Variants in NDE1 observed in about 807,000 individuals in gnomAD.
The protein encoded by NDE1 is nuclear distribution protein nudE homolog 1.
NDE1 carries 28 observed loss-of-function variants against 43.4 expected under a neutral mutation model. The ratio of observed to expected loss-of-function variants is 0.65; its 90% CI spans 0.48 to 0.89. The LOEUF is 0.89. NDE1 is among the 40% of genes least tolerant of loss of function. The probability of loss-of-function intolerance (pLI) is 0.00; values close to 1 mark genes in which losing one functional copy is unlikely to be tolerated. For missense variants in NDE1, 441 were observed against 434.1 expected, an observed-to-expected ratio of 1.02 and a Z score of -0.14; for synonymous variants, 184 against 172.0, an observed-to-expected ratio of 1.07 and a Z score of -0.55.
chr16:15,647,411 C>T (rs1199956559), upstream of NDE1, among the ~76,000 whole-genome samples: 1 of 152,146 alleles, frequency 6.6e-6, no homozygotes, highest in South Asian at 2.1e-4. Flanking sequence ...CCTCGGACAA[C>T]TCAATTAACT....
At chr16:15,676,455 G>A (rs1313836782) in intron 3 of NDE1, among the ~76,000 whole-genome samples, 4 of 151,756 alleles carry the variant, frequency 2.6e-5, no homozygotes, top group African/African-American at 4.8e-5. Flanking sequence ...CAGGTGATCC[G>A]CCCACCTCAG....
intron 8 of NDE1, among the ~76,000 whole-genome samples, chr16:15,698,502 C>T (rs892859797): frequency 3.3e-5 from 5 of 152,092 alleles, no homozygotes; most frequent in Admixed American, 1.3e-4. Flanking sequence ...GTAGCAGACA[C>T]GTGACAGGAA....
chr16:15,699,480 AAAAC>A (rs142486033), intron 8 of NDE1: 67,771 of 1,081,812 alleles, frequency 0.063, 2,332 homozygotes, highest in East Asian at 0.099. Flanking sequence ...CGTAGGCTGT[AAAAC>A]AAACAAACAA....
At chr16:15,646,820 G>A (rs867366798), upstream of NDE1, among the ~76,000 whole-genome samples, 1 of 152,050 alleles carries the variant, frequency 6.6e-6, no homozygotes, top group African/African-American at 2.4e-5. Flanking sequence ...GGAGGCTGAG[G>A]CGGGTGGAGC....
At chr16:15,718,086 GC>G (rs904404072) in intron 8 of NDE1, 1 of 658,702 alleles carries the variant, frequency 1.5e-6, no homozygotes, top group African/African-American at 1.8e-5. Context: ...AGCCAGCCAC[GC>G]CGTGGCTGGA....
intron 2 of NDE1, among the ~76,000 whole-genome samples, 174 bp from the exon 3 acceptor site, chr16:15,667,112 G>A (rs2037346159): frequency 6.6e-6 from 1 of 152,084 alleles, no homozygotes; most frequent in Non-Finnish European, 1.5e-5. Flanking sequence ...TGGGTGTGGT[G>A]CCGCATGCCT....
rs2151179069 is a variant in NDE1, at chr16:15,710,620, G to A, written c.948-13571G>A. On this transcript the variant is annotated intron_variant, in intron 8 of 8. Transcript: ENST00000396354. ...AGAGTGGCTGTATCCCCATCGCTCA[G>A]CCCAGCCACTCAGGAGAGGCAGGGG... 3.3e-5 allele frequency among the ~76,000 whole-genome samples: 5 copies of A among 152,146 alleles called. 1 individual carries two copies. The South Asian group carries it at 1.0e-3, about 32-fold the overall frequency.
chr16:15,710,481 A>G (rs1191771892), intron 8 of NDE1, among the ~76,000 whole-genome samples: 2 of 152,118 alleles, frequency 1.3e-5, no homozygotes, highest in Non-Finnish European at 2.9e-5. Flanking sequence ...AGATCGCGCC[A>G]CTGCACTCCA....
At chr16:15,715,330 G>T in intron 8 of NDE1, 2 of 1,556,520 alleles carry the variant, frequency 1.3e-6, no homozygotes, top group Non-Finnish European at 1.8e-6. Flanking sequence ...CTTGTAGCTG[G>T]TGTGTCACCT....
At chr16:15,692,642 T>G (rs1041851374) in intron 6 of NDE1, among the ~76,000 whole-genome samples, 1 of 152,138 alleles carries the variant, frequency 6.6e-6, no homozygotes, top group Non-Finnish European at 1.5e-5. Context: ...ACTACTGACC[T>G]CAGGTGATCT....
At chr16:15,696,184 T>C (rs1284111463) in intron 7 of NDE1, among the ~76,000 whole-genome samples, 1 of 149,950 alleles carries the variant, frequency 6.7e-6, no homozygotes, top group Admixed American at 6.7e-5. Flanking sequence ...TAAAAAATTT[T>C]TCGTAATTAA....
In NDE1 at chr16:15,687,451, G is replaced by A. The variant is rs1205235856; in HGVS notation, c.463G>A (p.Glu155Lys). Reference sequence around the variant, plus strand: ...CGAAAGAAATGCCTTCCTGGAAAGTGAACTTGATGAAAAAGAGAATCTCCT... The same window carrying A: ...CGAAAGAAATGCCTTCCTGGAAAGTAAACTTGATGAAAAAGAGAATCTCCT... ...AIERNAFLES[E>K]LDEKENLLES... Residue 155 changes from glutamate (E) to lysine (K), a missense_variant, in exon 5 of 9, where the codon GAA (glutamate) becomes AAA (lysine). Glu to Lys is a moderately conservative substitution (Grantham distance 56). Transcript: ENST00000396354. 3 of 1,614,078 alleles carry A rather than the reference G, an allele frequency of 1.9e-6. No homozygotes were observed. Among genetic ancestry groups the A allele is most frequent in the Non-Finnish European group, 1.7e-6 (2 of 1,180,044 alleles).
intron 3 of NDE1, among the ~76,000 whole-genome samples, chr16:15,674,002 G>T (rs201410547): frequency 6.6e-6 from 1 of 152,138 alleles, no homozygotes; most frequent in East Asian, 1.9e-4. Flanking sequence ...TTAAGTAATT[G>T]AGTCTCAGTG....
intron 7 of NDE1, chr16:15,695,015 C>A: frequency 1.4e-6 from 1 of 690,308 alleles, no homozygotes; most frequent in Non-Finnish European, 1.8e-6. Flanking sequence ...CCGACTTGGC[C>A]TCTACAAGAA....
chr16:15,670,284 T>A (rs904890906), intron 3 of NDE1, among the ~76,000 whole-genome samples: 2 of 152,138 alleles, frequency 1.3e-5, no homozygotes, highest in Admixed American at 1.3e-4. Flanking sequence ...TTGCCTTCTT[T>A]GGGAAGACAA....
rs1248799649 is a variant in NDE1, at chr16:15,725,733, AT to A, written c.*1485del. ...GTCCCTGGCTGTGGACATGTTAAACATTTGTGAAAACTTTGGCCACGTCCCC... is the reference window on the plus strand; with the variant it reads ...GTCCCTGGCTGTGGACATGTTAAACATTGTGAAAACTTTGGCCACGTCCCC... On this transcript the variant is annotated 3_prime_UTR_variant, in exon 9 of 9. Transcript: ENST00000396354. The A allele has an allele frequency of 2.5e-6, 1 of 398,628 alleles. No homozygotes were observed. The highest frequency in any genetic ancestry group is 2.1e-5 in the African/African-American group (1 of 48,632). 24.7% of individuals were successfully genotyped at this position (398,628 alleles called of 1,614,324 possible).
chr16:15,673,301 C>T (rs1448665299), intron 3 of NDE1, among the ~76,000 whole-genome samples: 1 of 152,000 alleles, frequency 6.6e-6, no homozygotes, highest in African/African-American at 2.4e-5. Flanking sequence ...CCTCCGCCTC[C>T]CGGGCTCAAG....
Position 15,721,521 on chromosome 16 carries a change from T to G in NDE1, c.948-2670T>G, listed in dbSNP as rs755712100. On this transcript the variant is annotated intron_variant, in intron 8 of 8. Transcript: ENST00000396354. ...GTTCCTCTTTGGCTTCCAAGGCCTC[T>G]TCAAGGGCCCGAGCCAGGGACAGGG... 2.5e-6 allele frequency: 4 copies of G among 1,614,226 alleles called. No homozygotes were observed. Among genetic ancestry groups the G allele is most frequent in the Non-Finnish European group, 3.4e-6 (4 of 1,180,046 alleles).
At chr16:15,723,801 G>T (rs555595899) in intron 8 of NDE1, among the ~76,000 whole-genome samples, 2 of 152,268 alleles carry the variant, frequency 1.3e-5, no homozygotes, top group Non-Finnish European at 2.9e-5. Context: ...TAAAAGTATA[G>T]AAACTGAATT....
Sources: allele counts gnomAD v4.1 joint callset (sites outside exome capture counted in the v4.1 genomes callset), GRCh38; gene constraint gnomAD v4.1.1; transcripts MANE v1.5; gene names NCBI Gene and HGNC (gene_info 2026-07-23, HGNC 2026-07-21).